The following APOB variants were observed in gnomAD, a reference collection of about 807,000 sequenced individuals.
The protein encoded by APOB is apolipoprotein B.
APOB carries 153 observed loss-of-function variants against 314.1 expected under a neutral mutation model. The ratio of observed to expected loss-of-function variants is 0.49; its 90% CI spans 0.43 to 0.56. The LOEUF is 0.56. Among genes scored for constraint, APOB ranks in the 20% least tolerant of loss-of-function variants. APOB has a pLI of 0.00. For synonymous variants in APOB, 2,087 were observed against 2,036.4 expected, an observed-to-expected ratio of 1.02 and a Z score of -0.67; for missense variants, 5,430 against 5,350.7, an observed-to-expected ratio of 1.01 and a Z score of -0.46.
rs1292489442 is a variant in APOB at position 21,006,864 on chromosome 2, C to A, written c.10004G>T (p.Gly3335Val). 1 of 1,613,888 alleles carries A rather than the reference C, an allele frequency of 6.2e-7. No homozygotes were observed. Among genetic ancestry groups the A allele is most frequent in the Non-Finnish European group, 8.5e-7 (1 of 1,179,954 alleles). The part of the protein sequence containing the change: ...TISHIFIPAM[G>V]NITYDFSFKS... ...AAAGGAGAAATCATAGGTAATATTG[C>A]CCATGGCAGGAATAAAAATATGGCT... The change falls in exon 26 of 29, where the codon GGC becomes GTC. Residue 3335 changes from glycine to valine, a missense_variant. By Grantham distance (109) the Gly-to-Val change is moderately radical. Around this residue, in one of 3 missense-constraint regions of APOB, gnomAD observed 3,281 missense variants for 3,171.0 expected, o/e 1.03. Transcript: ENST00000233242.
rs761458367 is a variant in APOB, at chr2:21,026,954, T to C, written c.2078A>G (p.Glu693Gly). Residue 693 changes from glutamate to glycine, a missense_variant, in exon 15 of 29, where the codon GAA becomes GGA. Physicochemically the swap from Glu to Gly is moderately conservative, Grantham distance 98. Coordinates refer to ENST00000233242, the MANE Select transcript of APOB (RefSeq NM_000384.3). The stretch of plus-strand genomic sequence containing the variant: ...CAATGTTGGCTCAAAGCCTTTTCCT[T>C]CCAAGCCAATCTGAGAAAGAAAATC... The part of the protein sequence containing the change: ...ASADLIEIGL[E>G]GKGFEPTLEA... 8.1e-6 allele frequency: 13 copies of C among 1,613,994 alleles called. No individual in the cohort carries two copies. The highest frequency in any genetic ancestry group is 1.1e-5 in the Non-Finnish European group (13 of 1,180,024).
At position 21,024,806 on chromosome 2, in the gene APOB, T is replaced by G. The variant is rs769703752; in HGVS notation, c.2436+127A>C. 6.2e-6 allele frequency: 6 copies of G among 973,420 alleles called. No individual in the cohort carries two copies. In the East Asian group the frequency reaches 1.4e-4, roughly 23 times the overall value. 60.3% of individuals were successfully genotyped at this position (973,420 alleles called of 1,614,324 possible). A position where few individuals can be genotyped will look rare whatever the true frequency, so the allele number is the denominator to read the frequency against. ...TCTTCAGTGAAATTCAAGGCAAACC[T>G]CCATCTCTGAAGAAAGTACAAGCAT... On this transcript the variant is annotated intron_variant, in intron 16 of 28. Coordinates refer to ENST00000233242, the MANE Select transcript of APOB (RefSeq NM_000384.3).
chr2:21,015,629 G>T, intron 21 of APOB, 84 bp from the exon 22 acceptor site: 2 of 1,459,104 alleles, frequency 1.4e-6, no homozygotes, highest in Non-Finnish European at 1.9e-6. Flanking sequence ...TCCATTTGTG[G>T]TGATCAAAAC....
intron 25 of APOB, 135 bp from the exon 26 acceptor site, chr2:21,012,786 C>T: frequency 4.1e-6 from 4 of 973,752 alleles, no homozygotes; most frequent in Non-Finnish European, 6.0e-6. Flanking sequence ...ATCTGTAATG[C>T]AAAGATAAAA....
rs144239254 is a variant in APOB, at chr2:21,011,898, G to T, written c.4970C>A (p.Thr1657Lys). The change falls in exon 26 of 29, where the codon ACG (threonine) becomes AAG (lysine). Residue 1657 changes from threonine to lysine, a missense_variant. Thr to Lys is a moderately conservative substitution (Grantham distance 78). Transcript: ENST00000233242. Reference protein sequence around the residue: ...IGQDGISTSATTNLKCSLLVL... With the variant: ...IGQDGISTSAKTNLKCSLLVL... ...CAGGAGACTACACTTCAAGTTGGTC[G>T]TTGCACTGGTAGATATTCCATCTTG... 2 of 1,613,876 alleles carry T rather than the reference G, an allele frequency of 1.2e-6. No individual in the cohort carries two copies. The highest frequency in any genetic ancestry group is 1.7e-6 in the Non-Finnish European group (2 of 1,180,014).
intron 4 of APOB, among the ~76,000 whole-genome samples, chr2:21,038,633 G>A (rs972238076): frequency 1.3e-5 from 2 of 152,220 alleles, no homozygotes; most frequent in Non-Finnish European, 2.9e-5. Flanking sequence ...ACCAGGTCCA[G>A]CTGTGTTTTA....
Position 21,006,784 on chromosome 2 carries a change from T to C in APOB, c.10084A>G (p.Ile3362Val). 1.2e-6 allele frequency: 2 copies of C among 1,614,088 alleles called. No individual in the cohort carries two copies. Among genetic ancestry groups the C allele is most frequent in the Non-Finnish European group, 1.7e-6 (2 of 1,179,958 alleles). The change falls in exon 26 of 29, where the codon ATT (isoleucine) becomes GTT (valine). Residue 3362 changes from isoleucine to valine, a missense_variant. Physicochemically the swap from Ile to Val is conservative, Grantham distance 29. Transcript: ENST00000233242. ...TNAELFNQSD[I>V]VAHLLSSSSS... ...GATGAAGAAAGGAGATGAGCAACAA[T>C]ATCTGACTGGTTAAAAAGTTCAGCA...
rs752149683 is a variant in APOB at position 21,019,772 on chromosome 2, C to A, written c.2950G>T (p.Ala984Ser). The part of the protein sequence containing the change: ...NYCTSGAYSN[A>S]SSTDSASYYP... ...TAGGAGGCGGAGTCTGTGGAGCTGG[C>A]GTTGGAGTAAGCGCCTGAGGTGCAG... is the stretch of plus-strand genomic sequence containing the variant. Residue 984 changes from alanine to serine, a missense_variant, in exon 19 of 29, where the codon GCC becomes TCC. Physicochemically the swap from Ala to Ser is moderately conservative, Grantham distance 99. Transcript: ENST00000233242. The A allele has an allele frequency of 2.5e-6, 4 of 1,614,114 alleles. No individual in the cohort carries two copies. The East Asian group carries it at 6.7e-5, about 27-fold the overall frequency.
chr2:21,006,108 G>A lies in APOB; in HGVS notation c.10760C>T (p.Ala3587Val). The A allele has an allele frequency of 6.2e-7, 1 of 1,613,988 alleles. No homozygotes were observed. Among genetic ancestry groups the A allele is most frequent in the South Asian group, 1.1e-5 (1 of 91,064 alleles). The change falls in exon 26 of 29, where the codon GCC becomes GTC. Residue 3587 changes from alanine to valine, a missense_variant. Transcript: ENST00000233242. ...TTGCCATGGAGAGAGTTCCAGGGTGGCTTTGCTTGTATGTTCTCCGTTGGT... is the reference window on the plus strand; with the variant it reads ...TTGCCATGGAGAGAGTTCCAGGGTGACTTTGCTTGTATGTTCTCCGTTGGT... ...FFTNGEHTSK[A>V]TLELSPWQMS... is the part of the protein sequence containing the mutation.
rs1553384690 is a variant in APOB, at chr2:21,016,995, A to AAAT, written c.3122-349_3122-347dup. On this transcript the variant is annotated intron_variant, in intron 20 of 28. Transcript: ENST00000233242. Reference sequence around the variant, plus strand: ...CGAGACTCCATCTCAAAAAATAAATAAATAAATAAATAAATAAATAAACAA... The same window carrying AAAT: ...CGAGACTCCATCTCAAAAAATAAATAAATAATAAATAAATAAATAAATAAACAA... Among the ~76,000 whole-genome samples, 63 of 135,962 alleles carry AAAT rather than the reference A, an allele frequency of 4.6e-4. 1 individual carries two copies. The highest frequency in any genetic ancestry group is 9.7e-4 in the African/African-American group (36 of 36,968). The allele number at this position is 135,962 out of a possible 152,430, so 89.2% of individuals were successfully genotyped here.
intron 3 of APOB, 62 bp downstream of exon 3, chr2:21,042,299 G>T (rs1053061931): frequency 1.3e-5 from 18 of 1,349,848 alleles, no homozygotes; most frequent in Middle Eastern, 2.3e-4. Context: ...TTGGGCGCCC[G>T]CTGGAACAGG....
chr2:21,019,201 A>C lies in APOB; in HGVS notation c.3000-88T>G, dbSNP rs190365816. The C allele has an allele frequency of 7.9e-6, 12 of 1,524,474 alleles. No homozygotes were observed. In the East Asian group the frequency reaches 1.8e-4, roughly 23 times the overall value. The allele number at this position is 1,524,474 out of a possible 1,614,324, so 94.4% of individuals were successfully genotyped here. A position where few individuals can be genotyped will look rare whatever the true frequency, so the allele number is the denominator to read the frequency against. Reference sequence around the variant, plus strand: ...CCCAAAACAATTCAGCCTCAAATGCAACAAAAATATGGTCCTTATTTTAAC... The same window carrying C: ...CCCAAAACAATTCAGCCTCAAATGCCACAAAAATATGGTCCTTATTTTAAC... On this transcript the variant is annotated intron_variant, in intron 19 of 28. Coordinates refer to ENST00000233242, the MANE Select transcript of APOB (RefSeq NM_000384.3).
At chr2:21,031,168 C>T (rs1462523738) in intron 10 of APOB, among the ~76,000 whole-genome samples, 1 of 152,202 alleles carries the variant, frequency 6.6e-6, no homozygotes, top group Non-Finnish European at 1.5e-5. Flanking sequence ...TTTATCACAG[C>T]ACTATTCACA....
At chr2:21,038,163 C>T (rs1558576167) in intron 4 of APOB, 52 bp from the exon 5 acceptor site, 2 of 1,605,092 alleles carry the variant, frequency 1.2e-6, no homozygotes, top group Admixed American at 3.3e-5. Flanking sequence ...TTACAACTTG[C>T]TGGAAGTAAG....
At chr2:21,015,577 A>T in intron 21 of APOB, 32 bp from the exon 22 acceptor site, 2 of 1,605,400 alleles carry the variant, frequency 1.2e-6, no homozygotes, top group Non-Finnish European at 1.7e-6. Flanking sequence ...GGCACCAATG[A>T]TTTTGTCCTT....
intron 19 of APOB, 130 bp from the exon 20 acceptor site, chr2:21,019,243 A>G: frequency 8.2e-7 from 1 of 1,214,796 alleles, no homozygotes; most frequent in East Asian, 2.4e-5. Flanking sequence ...TCTTGCCCTT[A>G]ACTAAGATGA....
At chr2:21,017,968 T>C (rs1663518192) in intron 20 of APOB, among the ~76,000 whole-genome samples, 1 of 152,184 alleles carries the variant, frequency 6.6e-6, no homozygotes, top group Non-Finnish European at 1.5e-5. Context: ...ATAATTTTTT[T>C]TCCAAAGTGA....
rs1553382944 is a variant in APOB, at chr2:21,006,239, G to T, written c.10629C>A (p.Asn3543Lys). The change falls in exon 26 of 29, where the codon AAC (asparagine) becomes AAA (lysine). Residue 3543 changes from asparagine to lysine, a missense_variant. Coordinates refer to ENST00000233242, the MANE Select transcript of APOB (RefSeq NM_000384.3). ...QGTSKIDDIW[N>K]LEVKENFAGE... ...CAGCAAAATTTTCTTTTACTTCAAG[G>T]TTCCAGATATCATCAATTTTGGAAG... 1 of 1,614,042 alleles carries T rather than the reference G, an allele frequency of 6.2e-7. No individual in the cohort carries two copies. The highest frequency in any genetic ancestry group is 8.5e-7 in the Non-Finnish European group (1 of 1,179,966).
Position 21,009,518 on chromosome 2 carries a change from G to C in APOB, c.7350C>G (p.Leu2450=). ...NDKIREVTQR[L]NGEIQALELP... ...GTTCCAGAGCCTGAATTTCACCATT[G>C]AGTCTCTGAGTCACCTCACGGATTT... The change falls in exon 26 of 29, where the codon CTC becomes CTG. Residue 2450 remains leucine, a synonymous_variant. Transcript: ENST00000233242. 1 of 1,613,994 alleles carries C rather than the reference G, an allele frequency of 6.2e-7. No homozygotes were observed. Among genetic ancestry groups the C allele is most frequent in the Non-Finnish European group, 8.5e-7 (1 of 1,179,960 alleles).
Sources: allele counts gnomAD v4.1 joint callset (sites outside exome capture counted in the v4.1 genomes callset), GRCh38; gene constraint gnomAD v4.1.1; regional missense constraint gnomAD v4.1.1; transcripts MANE v1.5; gene names NCBI Gene and HGNC (gene_info 2026-07-23, HGNC 2026-07-21).